The following TMEM131 variants were observed in gnomAD, a reference collection of about 807,000 sequenced individuals.
TMEM131 encodes transmembrane protein 131, also known as 2610524E03Rik.
TMEM131 carries 66 observed loss-of-function variants against 211.6 expected under a neutral mutation model. The ratio of observed to expected loss-of-function variants is 0.31; its 90% CI spans 0.26 to 0.38. TMEM131 has a LOEUF of 0.38. Ranked by LOEUF, TMEM131 falls within the 10% of genes least tolerant of loss-of-function variation. TMEM131 has a pLI of 1.00. For missense variants in TMEM131, 2,036 were observed against 2,299.3 expected, an observed-to-expected ratio of 0.89 and a Z score of 2.34; for synonymous variants, 844 against 841.3, an observed-to-expected ratio of 1.00 and a Z score of -0.06.
chr2:97,970,648 G>A (rs1679257097), intron 1 of TMEM131, among the ~76,000 whole-genome samples: 2 of 152,218 alleles, frequency 1.3e-5, no homozygotes, highest in Admixed American at 6.5e-5. Flanking sequence ...CCTGGTGGAA[G>A]AGCAGGTGCT....
chr2:97,874,098 T>C lies in TMEM131; in HGVS notation c.359+13954A>G, dbSNP rs147365214. 3.8e-3 allele frequency among the ~76,000 whole-genome samples: 571 copies of C among 152,242 alleles called. 3 individuals are homozygous for C. Among genetic ancestry groups the C allele is most frequent in the African/African-American group, 0.013 (545 of 41,546 alleles). ...GCATACACAAGTTTCAACAGCCGAATTGGTCAAGTGGAAGAAAGGATATCA... is the reference window on the plus strand; with the variant it reads ...GCATACACAAGTTTCAACAGCCGAACTGGTCAAGTGGAAGAAAGGATATCA... On this transcript the variant is annotated intron_variant, in intron 4 of 40. Transcript: ENST00000186436.
chr2:97,900,970 T>TG (rs1675829083), intron 3 of TMEM131, among the ~76,000 whole-genome samples: 1 of 152,208 alleles, frequency 6.6e-6, no homozygotes, highest in African/African-American at 2.4e-5. Context: ...TGACTGGCCA[T>TG]GCAGAGCATT....
At chr2:97,770,676 G>T (rs1271766852) in intron 33 of TMEM131, among the ~76,000 whole-genome samples, 1 of 152,184 alleles carries the variant, frequency 6.6e-6, no homozygotes, top group East Asian at 1.9e-4. Context: ...CAGGGATGGG[G>T]GTTAGGATTA....
rs530752644 is a variant in TMEM131, at chr2:97,991,646, T to C, written c.187+3830A>G. On this transcript the variant is annotated intron_variant, in intron 1 of 40. Coordinates refer to ENST00000186436, the MANE Select transcript of TMEM131 (RefSeq NM_015348.2). The stretch of plus-strand genomic sequence containing the variant: ...CTAGGGCACAACCAGAACCGAGAAG[T>C]ACAGAGTCACCGAAACAATGCCAGA... 5.3e-5 allele frequency among the ~76,000 whole-genome samples: 8 copies of C among 151,706 alleles called. No individual in the cohort carries two copies. The South Asian group carries it at 1.7e-3, about 32-fold the overall frequency.
In TMEM131 at chr2:97,796,306, C is replaced by T; in HGVS notation, c.3112G>A (p.Gly1038Arg). 1 of 1,560,938 alleles carries T rather than the reference C, an allele frequency of 6.4e-7. No individual in the cohort carries two copies. Among genetic ancestry groups the T allele is most frequent in the Non-Finnish European group, 8.7e-7 (1 of 1,152,856 alleles). Reference sequence around the variant, plus strand: ...AAGCCATATCCTTCACATGAGTATCCACTGATTTCAATGGTTTCTATGTGA... The same window carrying T: ...AAGCCATATCCTTCACATGAGTATCTACTGATTTCAATGGTTTCTATGTGA... Reference protein sequence around the residue: ...QIHIETIEISGYSCEGYGFKV... With the variant: ...QIHIETIEISRYSCEGYGFKV... Residue 1038 changes from glycine (G) to arginine (R), a missense_variant, in exon 28 of 41, where the codon GGA (glycine) becomes AGA (arginine). This residue lies in a region of TMEM131 where 1,623 missense variants were observed against 1,805.9 expected (regional missense o/e 0.90). Transcript: ENST00000186436.
intron 1 of TMEM131, among the ~76,000 whole-genome samples, chr2:97,990,062 C>G (rs1203518250): frequency 5.3e-5 from 8 of 152,188 alleles, no homozygotes. Context: ...TTCCACAAGT[C>G]TAGACTAACT....
At chr2:97,943,021 GAAAAGAAAAGA>G (rs1559464253) in intron 1 of TMEM131, among the ~76,000 whole-genome samples, 4 of 39,208 alleles carry the variant, frequency 1.0e-4, no homozygotes, top group Admixed American at 5.2e-4. Context: ...GAAAAGAAAA[GAAAAGAAAAGA>G]AAAGAAAAGA....
chr2:97,844,577 G>C (rs147922168), intron 5 of TMEM131, among the ~76,000 whole-genome samples: 2 of 152,088 alleles, frequency 1.3e-5, no homozygotes, highest in Admixed American at 1.3e-4. Flanking sequence ...TAGGAGTTGC[G>C]TTGAGGCTGA....
At chr2:97,883,758 T>C (rs1405485010) in intron 4 of TMEM131, among the ~76,000 whole-genome samples, 1 of 152,168 alleles carries the variant, frequency 6.6e-6, no homozygotes, top group Non-Finnish European at 1.5e-5. Flanking sequence ...TAAATTTTGA[T>C]GTTCTTTATT....
At chr2:97,854,369 C>A (rs1373493472) in intron 5 of TMEM131, among the ~76,000 whole-genome samples, 3 of 152,170 alleles carry the variant, frequency 2.0e-5, no homozygotes, top group Non-Finnish European at 2.9e-5. Flanking sequence ...CAAAAAAATT[C>A]TGTGACTGGC....
At chr2:97,849,855 G>A (rs1673532884) in intron 5 of TMEM131, among the ~76,000 whole-genome samples, 1 of 150,378 alleles carries the variant, frequency 6.6e-6, no homozygotes, top group Admixed American at 6.7e-5. Flanking sequence ...ACAAATAATT[G>A]AATGTTCAGG....
At chr2:97,805,330 T>C in intron 21 of TMEM131, 46 bp downstream of exon 21, 1 of 1,595,582 alleles carries the variant, frequency 6.3e-7, no homozygotes, top group Non-Finnish European at 8.6e-7. Context: ...TAAAAGAGTA[T>C]TTTGGGGGAA....
intron 1 of TMEM131, among the ~76,000 whole-genome samples, chr2:97,943,161 T>C (rs1390041978): frequency 2.0e-5 from 3 of 151,924 alleles, no homozygotes; most frequent in East Asian, 1.9e-4. Context: ...GGCAGAAAGA[T>C]TGCTTAAACC....
In TMEM131 at chr2:97,877,214, A is replaced by G. The variant is rs535076571; in HGVS notation, c.359+10838T>C. 3.3e-5 allele frequency among the ~76,000 whole-genome samples: 5 copies of G among 152,334 alleles called. No individual in the cohort carries two copies. The East Asian group carries it at 5.8e-4, about 18-fold the overall frequency. Reference sequence around the variant, plus strand: ...TCAAGGAAATTAAGAGAGGACACAAACAAATGGAAAAACATTCCATGCTCA... The same window carrying G: ...TCAAGGAAATTAAGAGAGGACACAAGCAAATGGAAAAACATTCCATGCTCA... On this transcript the variant is annotated intron_variant, in intron 4 of 40. Coordinates refer to ENST00000186436, the MANE Select transcript of TMEM131 (RefSeq NM_015348.2).
chr2:97,797,063 T>C, intron 26 of TMEM131, 77 bp from the exon 27 acceptor site: 1 of 1,416,244 alleles, frequency 7.1e-7, no homozygotes, highest in Non-Finnish European at 9.7e-7. Context: ...TCTACTGTTA[T>C]TTTACAGAGC....
At chr2:97,795,314 G>C (rs1206931873) in intron 28 of TMEM131, among the ~76,000 whole-genome samples, 199 bp from the exon 29 acceptor site, 3 of 152,144 alleles carry the variant, frequency 2.0e-5, no homozygotes, top group African/African-American at 4.8e-5. Context: ...TGAATAATTA[G>C]AGAAATTACA....
chr2:97,981,041 A>G (rs1432564158), intron 1 of TMEM131, among the ~76,000 whole-genome samples: 23 of 89,116 alleles, frequency 2.6e-4, no homozygotes, highest in African/African-American at 9.7e-4. Flanking sequence ...AAAAAAAAAA[A>G]AAAAAAAAAA....
intron 2 of TMEM131, among the ~76,000 whole-genome samples, chr2:97,912,382 G>C (rs1244627957): frequency 6.6e-6 from 1 of 152,162 alleles, no homozygotes; most frequent in African/African-American, 2.4e-5. Flanking sequence ...TCCATAGTTT[G>C]CCATTTGACT....
At chr2:97,830,339 A>G (rs1682617405) in intron 11 of TMEM131, among the ~76,000 whole-genome samples, 1 of 152,154 alleles carries the variant, frequency 6.6e-6, no homozygotes, top group Admixed American at 6.5e-5. Context: ...TAACTCAAAG[A>G]TAATCAAGAA....
Sources: allele counts gnomAD v4.1 joint callset (sites outside exome capture counted in the v4.1 genomes callset), GRCh38; gene constraint gnomAD v4.1.1; regional missense constraint gnomAD v4.1.1; transcripts MANE v1.5; gene names NCBI Gene and HGNC (gene_info 2026-07-23, HGNC 2026-07-21).